LAMA1: variants seen among roughly 807,000 people sequenced by gnomAD.
The protein encoded by LAMA1 is laminin subunit alpha 1.
A neutral mutation model predicts 348.7 loss-of-function variants in LAMA1; 219 were observed. That is an observed-to-expected ratio of 0.63 (90% CI 0.56 to 0.70). The LOEUF is 0.70. Among genes scored for constraint, LAMA1 ranks in the 30% least tolerant of loss-of-function variants. LAMA1 has a pLI of 0.00. For missense variants in LAMA1, 3,744 were observed against 3,888.0 expected, an observed-to-expected ratio of 0.96 and a Z score of 0.99; for synonymous variants, 1,487 against 1,491.0, an observed-to-expected ratio of 1.00 and a Z score of 0.06.
At position 7,013,994 on chromosome 18, in the gene LAMA1, G is replaced by A. The variant is rs1333630876; in HGVS notation, c.3184C>T (p.His1062Tyr). The change falls in exon 23 of 63, where the codon CAT becomes TAT. Residue 1062 changes from histidine to tyrosine, a missense_variant. Transcript: ENST00000389658. ...CCAAATTTTGACTTGCACTGGCAAT[G>A]GCCGGTGACCACATCGCACCGATGA... ...THHRCDVVTGHCQCKSKFGGR... is the reference protein window; with the variant it reads ...THHRCDVVTGYCQCKSKFGGR... 6.2e-7 allele frequency: 1 copy of A among 1,613,880 alleles called. No individual in the cohort carries two copies.
chr18:6,958,494 G>T lies in LAMA1; in HGVS notation c.7947C>A (p.Asn2649Lys), dbSNP rs1162438722. Residue 2649 changes from asparagine (N) to lysine (K), a missense_variant, in exon 55 of 63, where the codon AAC becomes AAA. Asn to Lys is a moderately conservative substitution (Grantham distance 94). Around this residue, in one of 3 missense-constraint regions of LAMA1, gnomAD observed 1,983 missense variants for 1,934.3 expected, o/e 1.03. Transcript: ENST00000389658. ...ACACTTACTCCAAATTGAAGATCAG[G>T]TTTTTGATACAGCCATGGAACGATC... ...MRRSFHGCIK[N>K]LIFNLELLDF... is the part of the protein sequence containing the mutation. The T allele has an allele frequency of 6.2e-7, 1 of 1,614,174 alleles. No individual in the cohort carries two copies. Among genetic ancestry groups the T allele is most frequent in the East Asian group, 2.2e-5 (1 of 44,872 alleles).
At chr18:7,090,588 C>G (rs532744383) in intron 1 of LAMA1, among the ~76,000 whole-genome samples, 1 of 151,950 alleles carries the variant, frequency 6.6e-6, no homozygotes, top group East Asian at 1.9e-4. Context: ...AGCGATTCCA[C>G]CAGGCAAGGA....
intron 25 of LAMA1, among the ~76,000 whole-genome samples, chr18:7,010,735 C>T (rs1208781955): frequency 6.6e-6 from 1 of 152,196 alleles, no homozygotes; most frequent in East Asian, 1.9e-4. Context: ...GGTGAATTCA[C>T]ACACAGACTC....
chr18:7,081,628 A>G (rs1444776732), intron 1 of LAMA1, among the ~76,000 whole-genome samples: 1 of 152,214 alleles, frequency 6.6e-6, no homozygotes, highest in African/African-American at 2.4e-5. Flanking sequence ...CTGTGAGAAA[A>G]GTACCTCCAT....
chr18:7,047,089 G>A (rs564563154), intron 5 of LAMA1, among the ~76,000 whole-genome samples: 1 of 148,750 alleles, frequency 6.7e-6, no homozygotes, highest in African/African-American at 2.5e-5. Context: ...CTATCACCCA[G>A]GCTGGAGTGC....
chr18:7,009,171 G>A, intron 27 of LAMA1, 68 bp downstream of exon 27: 1 of 1,556,606 alleles, frequency 6.4e-7, no homozygotes, highest in South Asian at 1.1e-5. Context: ...GAAGTGAAGT[G>A]AGTCAAATTC....
intron 12 of LAMA1, among the ~76,000 whole-genome samples, chr18:7,037,374 A>G (rs2144173710): frequency 6.6e-6 from 1 of 152,342 alleles, no homozygotes; most frequent in South Asian, 2.1e-4. Context: ...GAAGAGCAGA[A>G]GTTCTTATTT....
chr18:7,103,734 G>T (rs188389656), intron 1 of LAMA1, among the ~76,000 whole-genome samples: 224 of 151,372 alleles, frequency 1.5e-3, no homozygotes, highest in African/African-American at 5.1e-3. Flanking sequence ...CAGAAGAATC[G>T]CTTAAACCCA....
chr18:7,048,824 G>C (rs1462811894), intron 5 of LAMA1, among the ~76,000 whole-genome samples: 1 of 152,110 alleles, frequency 6.6e-6, no homozygotes, highest in African/African-American at 2.4e-5. Flanking sequence ...AAAGACCATG[G>C]CATTCACCAC....
chr18:7,084,393 G>A (rs1158404301), intron 1 of LAMA1, among the ~76,000 whole-genome samples: 2 of 152,148 alleles, frequency 1.3e-5, no homozygotes, highest in East Asian at 3.9e-4. Flanking sequence ...AAAATCAAGG[G>A]TAGAACGAGG....
intron 33 of LAMA1, among the ~76,000 whole-genome samples, chr18:6,996,674 G>C (rs1356842846): frequency 6.6e-6 from 1 of 152,088 alleles, no homozygotes; most frequent in Non-Finnish European, 1.5e-5. Context: ...AGCTACTTGG[G>C]AGGCTAAGGC....
rs2057858945 is a variant in LAMA1, at chr18:7,011,319, T to TG, written c.3667dup (p.Gln1223ProfsTer33). The TG allele has an allele frequency of 1.2e-6, 2 of 1,608,482 alleles. No individual in the cohort carries two copies. The highest frequency in any genetic ancestry group is 1.7e-6 in the Non-Finnish European group (2 of 1,178,406). ...CCTCACCTGGTCTCCTTGGAACTGC[T>TG]GCGGCAGCCGCCAGTAAAACGGCTC... On this transcript the variant is annotated frameshift_variant, in exon 25 of 63. Transcript: ENST00000389658. LOFTEE classifies it high-confidence loss of function.
At chr18:7,035,774 C>A (rs926093540) in intron 13 of LAMA1, among the ~76,000 whole-genome samples, 1 of 152,016 alleles carries the variant, frequency 6.6e-6, no homozygotes, top group East Asian at 1.9e-4. Flanking sequence ...AGAAGAGTGG[C>A]GGGTGCTGTC....
intron 62 of LAMA1, among the ~76,000 whole-genome samples, chr18:6,942,979 C>A (rs1356263840): frequency 6.6e-6 from 1 of 152,086 alleles, no homozygotes; most frequent in Non-Finnish European, 1.5e-5. Context: ...CACAGTCTTA[C>A]CCAATGATTA....
At chr18:7,069,876 G>C (rs1189811634) in intron 3 of LAMA1, among the ~76,000 whole-genome samples, 1 of 151,488 alleles carries the variant, frequency 6.6e-6, no homozygotes, top group Non-Finnish European at 1.5e-5. Context: ...TGCAGCCTTA[G>C]ACATACCCAC....
At chr18:6,980,701 G>T in intron 41 of LAMA1, 64 bp from the exon 42 acceptor site, 1 of 873,438 alleles carries the variant, frequency 1.1e-6, no homozygotes, top group Non-Finnish European at 1.9e-6. Flanking sequence ...CTAGGCAACA[G>T]CTTTATCATT....
chr18:7,006,372 A>AAT (rs1555651558), intron 29 of LAMA1, among the ~76,000 whole-genome samples: 1 of 151,988 alleles, frequency 6.6e-6, no homozygotes, highest in African/African-American at 2.4e-5. Context: ...GAGAATATGC[A>AAT]TTTTTTTAAA....
intron 46 of LAMA1, among the ~76,000 whole-genome samples, chr18:6,974,009 T>G (rs545285479): frequency 6.6e-6 from 1 of 152,192 alleles, no homozygotes; most frequent in Non-Finnish European, 1.5e-5. Flanking sequence ...TCAAACTCCT[T>G]CTTGCTCAAA....
chr18:6,991,486 G>A (rs2057758657), intron 36 of LAMA1, among the ~76,000 whole-genome samples: 1 of 150,326 alleles, frequency 6.7e-6, no homozygotes, highest in East Asian at 2.0e-4. Flanking sequence ...CGCTACCCAG[G>A]TTCAAGCAAT....
Sources: allele counts gnomAD v4.1 joint callset (sites outside exome capture counted in the v4.1 genomes callset), GRCh38; gene constraint gnomAD v4.1.1; regional missense constraint gnomAD v4.1.1; transcripts MANE v1.5; gene names NCBI Gene and HGNC (gene_info 2026-07-23, HGNC 2026-07-21).